LRP1B: variants seen among roughly 807,000 people sequenced by gnomAD.
LRP1B encodes the protein low-density lipoprotein receptor-related protein 1B.
Under a neutral mutation model 556.6 loss-of-function variants are expected in LRP1B, and 217 were observed. That is an observed-to-expected ratio of 0.39 (90% CI 0.35 to 0.44). The LOEUF (loss-of-function observed/expected upper bound fraction) is 0.44, where lower values mean the gene tolerates loss of function less well. Ranked by LOEUF, LRP1B falls within the 20% of genes least tolerant of loss-of-function variation. LRP1B has a pLI of 1.00. For missense variants in LRP1B, 5,053 were observed against 5,620.8 expected (o/e 0.90, Z 3.23); for synonymous variants, 2,047 against 1,865.8 (o/e 1.10, Z -2.50).
intron 1 of LRP1B, among the ~76,000 whole-genome samples, chr2:142,073,706 T>G (rs1705402178): frequency 6.6e-6 from 1 of 152,002 alleles, no homozygotes; most frequent in South Asian, 2.1e-4. Context: ...TAATCCCCAT[T>G]GTTGGAGATG....
At chr2:141,557,777 T>C (rs72853591) in intron 2 of LRP1B, among the ~76,000 whole-genome samples, 14,139 of 151,950 alleles carry the variant, frequency 0.093, 800 homozygotes, top group South Asian at 0.21. Flanking sequence ...ATTTTTATTT[T>C]GTTTGAGTCA....
chr2:141,437,043 C>T (rs540625965), intron 3 of LRP1B, among the ~76,000 whole-genome samples: 1 of 152,000 alleles, frequency 6.6e-6, no homozygotes, highest in Admixed American at 6.6e-5. Context: ...CATGAATGAC[C>T]CACATTTTAC....
chr2:141,435,339 C>T (rs1460456494), intron 3 of LRP1B, among the ~76,000 whole-genome samples: 2 of 152,042 alleles, frequency 1.3e-5, no homozygotes, highest in Non-Finnish European at 2.9e-5. Context: ...TATGCACAAT[C>T]TTCCCACCCC....
At chr2:140,266,607 C>T (rs1682213616) in intron 86 of LRP1B, among the ~76,000 whole-genome samples, 1 of 151,992 alleles carries the variant, frequency 6.6e-6, no homozygotes, top group Non-Finnish European at 1.5e-5. Context: ...TTTTTCTATT[C>T]TCAGCTACCT....
intron 44 of LRP1B, 81 bp from the exon 45 acceptor site, chr2:140,541,179 A>C: frequency 4.1e-6 from 5 of 1,211,758 alleles, no homozygotes; most frequent in Admixed American, 2.2e-5. Flanking sequence ...GTAAACTATT[A>C]GACTGCCTCA....
At chr2:142,047,416 A>G (rs1274164652) in intron 1 of LRP1B, among the ~76,000 whole-genome samples, 1 of 152,098 alleles carries the variant, frequency 6.6e-6, no homozygotes, top group Non-Finnish European at 1.5e-5. Context: ...AAAAAAGCTC[A>G]TTCAGAAGGT....
chr2:140,629,153 A>G (rs552789213), intron 41 of LRP1B, among the ~76,000 whole-genome samples: 3 of 151,974 alleles, frequency 2.0e-5, no homozygotes, highest in East Asian at 3.9e-4. Context: ...TCCTGGGTTC[A>G]GGTGATTCTT....
At chr2:141,373,494 A>G (rs915699497) in intron 3 of LRP1B, among the ~76,000 whole-genome samples, 3 of 151,946 alleles carry the variant, frequency 2.0e-5, no homozygotes, top group Non-Finnish European at 4.4e-5. Context: ...AAAGTCTAGT[A>G]TTATTTGTTT....
At chr2:141,263,078 T>C (rs300404) in intron 3 of LRP1B, among the ~76,000 whole-genome samples, 145,942 of 151,818 alleles carry the variant, frequency 0.96, 70,402 homozygotes, top group East Asian at 1. Context: ...ATGAGTTCCC[T>C]GCATATAGCT....
Position 140,485,853 on chromosome 2 carries a change from A to G in LRP1B, c.9244-329T>C, listed in dbSNP as rs546979813. Among the ~76,000 whole-genome samples, 614 of 133,792 alleles carry G rather than the reference A, an allele frequency of 4.6e-3. 6 individuals carry two copies. The highest frequency in any genetic ancestry group is 0.016 in the African/African-American group (573 of 35,812). 87.8% of individuals were successfully genotyped at this position (133,792 alleles called of 152,430 possible). A position where few individuals can be genotyped will look rare whatever the true frequency, so the allele number is the denominator to read the frequency against. On this transcript the variant is annotated intron_variant, in intron 58 of 90. Coordinates refer to ENST00000389484, the MANE Select transcript of LRP1B (RefSeq NM_018557.3). The stretch of plus-strand genomic sequence containing the variant: ...ACAAAATTCTCACGCACATACACAC[A>G]CACACACACACACACACACACACAC...
chr2:140,668,309 C>CAAAAAA (rs560180473), intron 41 of LRP1B, among the ~76,000 whole-genome samples: 8 of 59,672 alleles, frequency 1.3e-4, no homozygotes, highest in Non-Finnish European at 1.1e-4. Flanking sequence ...GACTCCGTCT[C>CAAAAAA]AAAAAAAAAA....
At chr2:141,240,041 T>C (rs1260697957) in intron 5 of LRP1B, among the ~76,000 whole-genome samples, 1 of 152,120 alleles carries the variant, frequency 6.6e-6, no homozygotes, top group Non-Finnish European at 1.5e-5. Context: ...TAAGATATAA[T>C]TTAATAATTT....
At chr2:141,072,112 C>T (rs1007807600) in intron 7 of LRP1B, among the ~76,000 whole-genome samples, 2 of 152,042 alleles carry the variant, frequency 1.3e-5, no homozygotes, top group Non-Finnish European at 2.9e-5. Context: ...CTCTTCCTAC[C>T]CCAACCCTTC....
At chr2:141,455,748 G>A (rs1050672993) in intron 3 of LRP1B, among the ~76,000 whole-genome samples, 3 of 152,144 alleles carry the variant, frequency 2.0e-5, no homozygotes, top group African/African-American at 7.2e-5. Context: ...ACTCTGCTAG[G>A]CATCAGAAGC....
At chr2:140,793,875 T>C (rs1428051420) in intron 32 of LRP1B, among the ~76,000 whole-genome samples, 2 of 152,082 alleles carry the variant, frequency 1.3e-5, no homozygotes, top group Non-Finnish European at 2.9e-5. Context: ...TATCGTCCTA[T>C]AATTTTTTAT....
chr2:140,296,757 A>G (rs1207332945), intron 84 of LRP1B, among the ~76,000 whole-genome samples: 1 of 152,228 alleles, frequency 6.6e-6, no homozygotes, highest in Non-Finnish European at 1.5e-5. Context: ...ATCATTATAT[A>G]TGGCAACATG....
intron 3 of LRP1B, among the ~76,000 whole-genome samples, chr2:141,287,771 A>G (rs1454044770): frequency 6.6e-6 from 1 of 152,174 alleles, no homozygotes; most frequent in Non-Finnish European, 1.5e-5. Context: ...ATGACCCAGT[A>G]TATAATTTAT....
At chr2:141,750,107 T>G (rs898139110) in intron 2 of LRP1B, among the ~76,000 whole-genome samples, 1 of 152,140 alleles carries the variant, frequency 6.6e-6, no homozygotes, top group Non-Finnish European at 1.5e-5. Context: ...CAGCTATACA[T>G]GTCTGGTATA....
intron 1 of LRP1B, among the ~76,000 whole-genome samples, chr2:141,935,141 T>C (rs1443861848): frequency 1.3e-5 from 2 of 152,124 alleles, no homozygotes; most frequent in Non-Finnish European, 2.9e-5. Flanking sequence ...CTTCAGAGTA[T>C]GGTGAATACA....
Sources: allele counts gnomAD v4.1 joint callset (sites outside exome capture counted in the v4.1 genomes callset), GRCh38; gene constraint gnomAD v4.1.1; transcripts MANE v1.5; gene names NCBI Gene and HGNC (gene_info 2026-07-23, HGNC 2026-07-21).